AFAP1L2: variants seen among roughly 807,000 people sequenced by gnomAD.
AFAP1L2 encodes the protein actin filament-associated protein 1-like 2.
AFAP1L2 carries 46 observed loss-of-function variants against 99.3 expected under a neutral mutation model. The observed-to-expected ratio is 0.46, with a 90% CI of 0.37 to 0.59. AFAP1L2 has a LOEUF of 0.59. Ranked by LOEUF, AFAP1L2 falls within the 20% of genes least tolerant of loss-of-function variation. The probability of loss-of-function intolerance (pLI) is 0.00; values close to 1 mark genes in which losing one functional copy is unlikely to be tolerated. For missense variants in AFAP1L2, 959 were observed against 1,034.9 expected, an observed-to-expected ratio of 0.93 and a Z score of 1.01; for synonymous variants, 397 against 419.1, an observed-to-expected ratio of 0.95 and a Z score of 0.64.
At chr10:114,337,655 C>G (rs2048184275) in intron 2 of AFAP1L2, among the ~76,000 whole-genome samples, 1 of 152,128 alleles carries the variant, frequency 6.6e-6, no homozygotes, top group South Asian at 2.1e-4. Flanking sequence ...AAAAGGTCAT[C>G]CTACAGGAAG....
intron 13 of AFAP1L2, among the ~76,000 whole-genome samples, chr10:114,301,071 C>G (rs1350768990): frequency 6.6e-6 from 1 of 152,206 alleles, no homozygotes; most frequent in Non-Finnish European, 1.5e-5. Context: ...TGGAAGCCTA[C>G]TGGTACCTCC....
chr10:114,386,300 T>C (rs940630962), intron 1 of AFAP1L2, among the ~76,000 whole-genome samples: 2 of 151,970 alleles, frequency 1.3e-5, no homozygotes, highest in Non-Finnish European at 2.9e-5. Context: ...ACTCAAGAAG[T>C]CGAGGTGGGA....
chr10:114,291,358 T>C (rs1444713382), downstream of AFAP1L2: 2 of 1,229,378 alleles, frequency 1.6e-6, no homozygotes, highest in Non-Finnish European at 2.2e-6. Flanking sequence ...CCTTAGAATG[T>C]CTGCTTCCCG....
At chr10:114,364,774 G>A (rs2052959086) in intron 1 of AFAP1L2, among the ~76,000 whole-genome samples, 1 of 152,082 alleles carries the variant, frequency 6.6e-6, no homozygotes, top group Non-Finnish European at 1.5e-5. Flanking sequence ...TGTGGCCCCT[G>A]CACTGAGCAA....
At chr10:114,404,588 C>A, upstream of AFAP1L2, 2 of 1,306,888 alleles carry the variant, frequency 1.5e-6, no homozygotes, top group South Asian at 3.9e-5. Context: ...GGCGGGGCCG[C>A]CGCGCCCAGG....
Position 114,297,354 on chromosome 10 carries a change from C to T in AFAP1L2, c.2173G>A (p.Gly725Ser). 1 of 1,613,798 alleles carries T rather than the reference C, an allele frequency of 6.2e-7. No individual in the cohort carries two copies. Among genetic ancestry groups the T allele is most frequent in the African/African-American group, 1.3e-5 (1 of 75,058 alleles). The part of the protein sequence containing the change: ...KLKEIDEECR[G>S]EESRRVDLEL... ...AGGTCCACGCGCCTGCTCTCCTCGC[C>T]CCGGCACTCCTCGTCAATTTCCTTC... is the stretch of plus-strand genomic sequence containing the variant. The change falls in exon 17 of 19, where the codon GGC becomes AGC. Residue 725 changes from glycine (G) to serine (S), a missense_variant. Physicochemically the swap from Gly to Ser is moderately conservative, Grantham distance 56. Coordinates refer to ENST00000304129, the MANE Select transcript of AFAP1L2 (RefSeq NM_001001936.3).
chr10:114,366,974 A>AG (rs1170692408), intron 1 of AFAP1L2, among the ~76,000 whole-genome samples: 4 of 152,174 alleles, frequency 2.6e-5, no homozygotes, highest in African/African-American at 9.7e-5. Context: ...TCTCAAAAAA[A>AG]CAACAACAAA....
chr10:114,288,996 G>T, the AFAP1L2 span: 1 of 1,614,128 alleles, frequency 6.2e-7, no homozygotes, highest in Non-Finnish European at 8.5e-7. Context: ...CCTCAGTAGG[G>T]CCCGAGAATT....
In AFAP1L2 at chr10:114,317,531, G is replaced by A. The variant is rs114128164; in HGVS notation, c.407-1766C>T. Among the ~76,000 whole-genome samples the A allele has an allele frequency of 8.1e-3, 1,236 of 152,248 alleles. 14 individuals carry two copies. Among genetic ancestry groups the A allele is most frequent in the African/African-American group, 0.028 (1,162 of 41,548 alleles). ...CATACTCTTTGATCCAATAATCCCA[G>A]TCCTGGTATTTTATCCTAGGAAACT... On this transcript the variant is annotated intron_variant, in intron 5 of 18. Transcript: ENST00000304129.
At chr10:114,304,445 G>A (rs1226960451) in intron 11 of AFAP1L2, among the ~76,000 whole-genome samples, 1 of 152,156 alleles carries the variant, frequency 6.6e-6, no homozygotes, top group Non-Finnish European at 1.5e-5. Flanking sequence ...TGAATCCCCA[G>A]CAGCTTTTCC....
chr10:114,289,427 A>G, the AFAP1L2 span: 2 of 1,614,160 alleles, frequency 1.2e-6, no homozygotes, highest in Admixed American at 3.3e-5. Context: ...TCCCTGATCC[A>G]CGTGGCAGCT....
downstream of AFAP1L2, among the ~76,000 whole-genome samples, chr10:114,293,685 T>G (rs558736612): frequency 6.6e-6 from 1 of 152,248 alleles, no homozygotes; most frequent in Non-Finnish European, 1.5e-5. Flanking sequence ...ACATTGCATA[T>G]AGGCCATAAA....
chr10:114,383,429 C>G (rs916298557), intron 1 of AFAP1L2, among the ~76,000 whole-genome samples: 2 of 151,890 alleles, frequency 1.3e-5, no homozygotes, highest in African/African-American at 2.4e-5. Flanking sequence ...TTTTTATTAT[C>G]GCAGAGAGGA....
At chr10:114,308,297 CTAACAGCAG>C in intron 9 of AFAP1L2, 127 bp downstream of exon 9, 1 of 711,546 alleles carries the variant, frequency 1.4e-6, no homozygotes, top group Non-Finnish European at 2.4e-6. Flanking sequence ...TTTCCTGGAT[CTAACAGCAG>C]TATTTCCGAG....
At chr10:114,289,605 C>T in the AFAP1L2 span, 2 of 1,208,044 alleles carry the variant, frequency 1.7e-6, no homozygotes, top group Admixed American at 3.6e-5. Flanking sequence ...CACTTGCTTC[C>T]CAAGTGCCAG....
At chr10:114,373,051 G>A (rs140994464) in intron 1 of AFAP1L2, among the ~76,000 whole-genome samples, 2 of 152,160 alleles carry the variant, frequency 1.3e-5, no homozygotes, top group South Asian at 2.1e-4. Context: ...ATTCCATCCC[G>A]GGCAACAGGG....
chr10:114,367,809 C>T lies in AFAP1L2; in HGVS notation c.17-27078G>A, dbSNP rs569045429. Among the ~76,000 whole-genome samples the T allele has an allele frequency of 1.4e-4, 22 of 152,282 alleles. No individual in the cohort carries two copies. The East Asian group carries it at 3.5e-3, about 24-fold the overall frequency. ...AATGTTTTGCAACATCAACAGCAGC[C>T]GCTGATGGCTATGGGAAGGCGCACA... is the stretch of plus-strand genomic sequence containing the variant. On this transcript the variant is annotated intron_variant, in intron 1 of 18. Transcript: ENST00000304129.
At chr10:114,282,532 C>T in the AFAP1L2 span, 2 of 1,614,062 alleles carry the variant, frequency 1.2e-6, no homozygotes, top group East Asian at 2.2e-5. Flanking sequence ...GAGAGTGTTC[C>T]TAACCCACCC....
At chr10:114,354,690 A>G (rs974946565) in intron 1 of AFAP1L2, among the ~76,000 whole-genome samples, 8 of 152,198 alleles carry the variant, frequency 5.3e-5, no homozygotes, top group African/African-American at 1.7e-4. Context: ...ATGAGGATGC[A>G]TAATTGGAGT....
Sources: gnomAD v4.1 joint callset for allele counts (sites outside exome capture counted in the v4.1 genomes callset) on GRCh38, gnomAD v4.1.1 for gene constraint, MANE v1.5 for transcripts, NCBI Gene and HGNC (gene_info 2026-07-23, HGNC 2026-07-21) for gene names.